LDB2: variants seen among roughly 807,000 people sequenced by gnomAD.
LDB2 encodes the protein LIM domain-binding protein 2.
Under a neutral mutation model 44.3 loss-of-function variants are expected in LDB2, and 12 were observed. The ratio of observed to expected loss-of-function variants is 0.27; its 90% CI spans 0.17 to 0.44. The LOEUF is 0.44. Among genes scored for constraint, LDB2 ranks in the 20% least tolerant of loss-of-function variants. LDB2 has a pLI of 1.00. For missense variants in LDB2, 344 were observed against 473.5 expected (o/e 0.73, Z 2.54); for synonymous variants, 164 against 174.8 (o/e 0.94, Z 0.49).
At chr4:16,670,528 G>A (rs1375107989) in intron 2 of LDB2, among the ~76,000 whole-genome samples, 1 of 152,086 alleles carries the variant, frequency 6.6e-6, no homozygotes, top group Non-Finnish European at 1.5e-5. Context: ...CACACTAATA[G>A]CAATAGTTAA....
intron 2 of LDB2, among the ~76,000 whole-genome samples, chr4:16,658,705 T>TA (rs979028859): frequency 2.6e-5 from 4 of 152,134 alleles, no homozygotes; most frequent in South Asian, 2.1e-4. Flanking sequence ...ACCTCAGTGT[T>TA]AAAAAAAGAA....
intron 1 of LDB2, among the ~76,000 whole-genome samples, chr4:16,768,182 C>T (rs1016172081): frequency 1.9e-4 from 29 of 152,064 alleles, no homozygotes; most frequent in African/African-American, 6.8e-4. Context: ...GCATCTATTC[C>T]TTGAAAATGT....
chr4:16,671,840 A>G (rs534563254), intron 2 of LDB2, among the ~76,000 whole-genome samples: 2 of 152,090 alleles, frequency 1.3e-5, no homozygotes, highest in South Asian at 4.1e-4. Context: ...ATGAAATTAC[A>G]CTGTCCAGGC....
intron 1 of LDB2, among the ~76,000 whole-genome samples, chr4:16,848,205 G>A (rs1277546379): frequency 1.3e-5 from 2 of 152,044 alleles, no homozygotes; most frequent in African/African-American, 4.8e-5. Context: ...CTATGTAAAG[G>A]GTCTTGGCAA....
chr4:16,503,428 G>T (rs910355092), intron 7 of LDB2, among the ~76,000 whole-genome samples: 1 of 152,158 alleles, frequency 6.6e-6, no homozygotes, highest in African/African-American at 2.4e-5. Context: ...TCTCTACTCA[G>T]CCAGGCCCTT....
chr4:16,841,264 T>C (rs552965561), intron 1 of LDB2, among the ~76,000 whole-genome samples: 9 of 152,324 alleles, frequency 5.9e-5, no homozygotes, highest in African/African-American at 1.9e-4. Flanking sequence ...ATAGGTAACA[T>C]AGCCAGTATA....
intron 1 of LDB2, among the ~76,000 whole-genome samples, chr4:16,828,294 C>T (rs1783427283): frequency 6.6e-6 from 1 of 152,194 alleles, no homozygotes; most frequent in African/African-American, 2.4e-5. Context: ...TCCTGCATTC[C>T]TTTACTCAAG....
At chr4:16,744,270 C>G (rs1173793863) in intron 2 of LDB2, among the ~76,000 whole-genome samples, 1 of 151,660 alleles carries the variant, frequency 6.6e-6, no homozygotes, top group Non-Finnish European at 1.5e-5. Flanking sequence ...GATTCTCGTG[C>G]CTCAGCCTCC....
chr4:16,800,809 G>T (rs183621462), intron 1 of LDB2, among the ~76,000 whole-genome samples: 1,983 of 152,248 alleles, frequency 0.013, 44 homozygotes, highest in African/African-American at 0.043. Flanking sequence ...CAAGTAGCTG[G>T]GACTACAGGC....
chr4:16,758,936 C>CT (rs1373744571), intron 2 of LDB2, among the ~76,000 whole-genome samples: 3 of 152,106 alleles, frequency 2.0e-5, no homozygotes, highest in African/African-American at 7.2e-5. Context: ...GCCTCACTCT[C>CT]TAAACAGGCA....
chr4:16,619,551 A>G (rs1286039277), intron 2 of LDB2, among the ~76,000 whole-genome samples: 1 of 152,208 alleles, frequency 6.6e-6, no homozygotes, highest in Non-Finnish European at 1.5e-5. Flanking sequence ...AAGGTTCATT[A>G]TAGTGGAGAC....
rs997199544 is a variant in LDB2 at position 16,502,311 on chromosome 4, G to A, written c.*332C>T. On this transcript the variant is annotated 3_prime_UTR_variant, in exon 8 of 8. Transcript: ENST00000304523. ...AGCATTTATGGACAATATGGCCTTC[G>A]TTTGATGCATAAAAAGGAAATTCAA... The A allele has an allele frequency of 1.4e-5, 4 of 280,678 alleles. No individual in the cohort carries two copies. Among genetic ancestry groups the A allele is most frequent in the East Asian group, 7.3e-5 (1 of 13,782 alleles). The allele number at this position is 280,678 out of a possible 1,614,324, so 17.4% of individuals were successfully genotyped here.
intron 1 of LDB2, among the ~76,000 whole-genome samples, chr4:16,813,936 A>T (rs1319978023): frequency 6.7e-6 from 1 of 149,614 alleles, no homozygotes; most frequent in African/African-American, 2.5e-5. Flanking sequence ...CAGTGGCGCG[A>T]TCTCGGCTCA....
intron 2 of LDB2, among the ~76,000 whole-genome samples, chr4:16,644,827 TC>T (rs1390373447): frequency 6.6e-6 from 1 of 152,218 alleles, no homozygotes. Flanking sequence ...CTAGTTCTTT[TC>T]CGATCATCTT....
At chr4:16,691,961 G>A (rs188493662) in intron 2 of LDB2, among the ~76,000 whole-genome samples, 4 of 152,028 alleles carry the variant, frequency 2.6e-5, no homozygotes, top group Non-Finnish European at 5.9e-5. Flanking sequence ...TGCTATTTGC[G>A]ATTACACAAA....
chr4:16,792,434 ATT>A (rs890871983), intron 1 of LDB2, among the ~76,000 whole-genome samples: 1 of 152,110 alleles, frequency 6.6e-6, no homozygotes, highest in Admixed American at 6.6e-5. Flanking sequence ...ATGAGATTTT[ATT>A]TCTCTCACCA....
intron 5 of LDB2, among the ~76,000 whole-genome samples, chr4:16,578,340 G>A (rs1460933416): frequency 6.6e-6 from 1 of 151,960 alleles, no homozygotes; most frequent in Non-Finnish European, 1.5e-5. Context: ...TACACGAGAA[G>A]ATCAAAAAAC....
chr4:16,724,116 T>C (rs564768807), intron 2 of LDB2, among the ~76,000 whole-genome samples: 77 of 152,226 alleles, frequency 5.1e-4, no homozygotes, highest in Non-Finnish European at 9.3e-4. Context: ...CATACAAATA[T>C]AGAAAATGCT....
At chr4:16,729,485 A>C (rs1561019583) in intron 2 of LDB2, among the ~76,000 whole-genome samples, 1 of 152,222 alleles carries the variant, frequency 6.6e-6, no homozygotes, top group East Asian at 1.9e-4. Flanking sequence ...CGGCTCAGCC[A>C]GAGAGCAGGA....
Sources: allele counts gnomAD v4.1 joint callset (sites outside exome capture counted in the v4.1 genomes callset), GRCh38; gene constraint gnomAD v4.1.1; transcripts MANE v1.5; gene names NCBI Gene and HGNC (gene_info 2026-07-23, HGNC 2026-07-21).